The following TACR3 variants were observed in gnomAD, a reference collection of about 807,000 sequenced individuals.
TACR3 encodes the protein neuromedin-K receptor.
In TACR3, 34 loss-of-function variants were observed where a neutral mutation model predicts 35.0. That is an observed-to-expected ratio of 0.97 (90% CI 0.74 to 1.30). The LOEUF is 1.30. Ranked by LOEUF, TACR3 falls within the 50% of genes most tolerant of loss-of-function variation. The probability of loss-of-function intolerance (pLI) is 0.00; values close to 1 mark genes in which losing one functional copy is unlikely to be tolerated. For missense variants in TACR3, 558 were observed against 591.7 expected (o/e 0.94, Z 0.59); for synonymous variants, 233 against 221.1 (o/e 1.05, Z -0.48).
At chr4:103,708,221 C>A (rs1722843599) in intron 1 of TACR3, among the ~76,000 whole-genome samples, 1 of 152,156 alleles carries the variant, frequency 6.6e-6, no homozygotes, top group Non-Finnish European at 1.5e-5. Context: ...GGTCCTTGAC[C>A]CCTGAGTAGC....
At chr4:103,611,590 A>G (rs917105087) in intron 3 of TACR3, among the ~76,000 whole-genome samples, 1 of 152,156 alleles carries the variant, frequency 6.6e-6, no homozygotes, top group Non-Finnish European at 1.5e-5. Flanking sequence ...CAATCTGTAC[A>G]TATTGGAGGT....
Position 103,719,364 on chromosome 4 carries a change from G to A in TACR3, c.312C>T (p.Leu104=), listed in dbSNP as rs1723158371. The A allele has an allele frequency of 6.2e-7, 1 of 1,614,254 alleles. No individual in the cohort carries two copies. The change falls in exon 1 of 5, where the codon CTC becomes CTT. Residue 104 remains leucine (L), a synonymous_variant. Coordinates refer to ENST00000304883, the MANE Select transcript of TACR3 (RefSeq NM_001059.3). The part of the protein sequence containing the change: ...VVVAVAVLGN[L]IVIWIILAHK... Reference sequence around the variant, plus strand: ...GGGCCAGGATGATCCAGATGACGATGAGATTTCCCAAAACTGCCACTGCCA... The same window carrying A: ...GGGCCAGGATGATCCAGATGACGATAAGATTTCCCAAAACTGCCACTGCCA...
intron 1 of TACR3, among the ~76,000 whole-genome samples, chr4:103,706,928 A>G (rs1363243300): frequency 6.6e-6 from 1 of 152,214 alleles, no homozygotes; most frequent in Non-Finnish European, 1.5e-5. Context: ...TGAGACAAAA[A>G]GATACTTCAG....
intron 1 of TACR3, among the ~76,000 whole-genome samples, chr4:103,707,297 C>G (rs551021695): frequency 6.6e-6 from 1 of 152,060 alleles, no homozygotes; most frequent in Non-Finnish European, 1.5e-5. Context: ...TCAAGAGACT[C>G]AGAGACATAT....
At chr4:103,615,458 C>T (rs1382845080) in intron 3 of TACR3, among the ~76,000 whole-genome samples, 1 of 149,444 alleles carries the variant, frequency 6.7e-6, no homozygotes, top group South Asian at 2.1e-4. Context: ...TGGGAAGTGG[C>T]ATCAGATTCA....
At chr4:103,644,725 T>A (rs1224770116) in intron 3 of TACR3, among the ~76,000 whole-genome samples, 1 of 151,666 alleles carries the variant, frequency 6.6e-6, no homozygotes, top group Non-Finnish European at 1.5e-5. Context: ...ACCAAGATGA[T>A]AACATGCCTT....
intron 3 of TACR3, among the ~76,000 whole-genome samples, chr4:103,612,227 T>A (rs1036831776): frequency 3.3e-5 from 5 of 152,292 alleles, no homozygotes; most frequent in Admixed American, 2.6e-4. Flanking sequence ...CTTAAAAACA[T>A]CAATAATTTT....
At chr4:103,682,571 A>G (rs1163190103) in intron 1 of TACR3, among the ~76,000 whole-genome samples, 1 of 152,112 alleles carries the variant, frequency 6.6e-6, no homozygotes, top group East Asian at 1.9e-4. Context: ...CTCCCTCGAC[A>G]CATAGGGATT....
intron 1 of TACR3, among the ~76,000 whole-genome samples, chr4:103,678,594 T>C (rs532033387): frequency 1.3e-5 from 2 of 152,242 alleles, no homozygotes; most frequent in South Asian, 4.1e-4. Context: ...CATTTATCCA[T>C]ACAACAAATA....
At chr4:103,598,967 G>T (rs1406524273) in intron 3 of TACR3, among the ~76,000 whole-genome samples, 1 of 152,162 alleles carries the variant, frequency 6.6e-6, no homozygotes, top group Admixed American at 6.5e-5. Flanking sequence ...GAACTTTAAA[G>T]TAGTTTTTCC....
At chr4:103,649,450 G>C (rs1438236955) in intron 3 of TACR3, among the ~76,000 whole-genome samples, 1 of 151,972 alleles carries the variant, frequency 6.6e-6, no homozygotes. Flanking sequence ...AATCCATTTA[G>C]ATTTGATTTT....
chr4:103,687,411 AG>A (rs1722275387), intron 1 of TACR3, among the ~76,000 whole-genome samples: 1 of 152,144 alleles, frequency 6.6e-6, no homozygotes, highest in Admixed American at 6.5e-5. Context: ...ATTAGGCAGG[AG>A]AAGGAAATAA....
intron 1 of TACR3, among the ~76,000 whole-genome samples, chr4:103,676,066 A>G (rs573866952): frequency 6.6e-6 from 1 of 152,276 alleles, no homozygotes; most frequent in African/African-American, 2.4e-5. Context: ...CTTCAAAGAT[A>G]TTGTGCTTAG....
intron 3 of TACR3, among the ~76,000 whole-genome samples, chr4:103,648,433 CT>C (rs77745851): frequency 0.15 from 23,009 of 151,950 alleles, 1,811 homozygotes; most frequent in South Asian, 0.21. Context: ...TTCACCCCTA[CT>C]TTCCCACTAC....
intron 3 of TACR3, among the ~76,000 whole-genome samples, chr4:103,652,617 G>A (rs1221867539): frequency 1.3e-5 from 2 of 151,782 alleles, no homozygotes; most frequent in Non-Finnish European, 2.9e-5. Flanking sequence ...TGTCCTTCTG[G>A]GGTGATGATC....
intron 3 of TACR3, among the ~76,000 whole-genome samples, chr4:103,620,484 CAT>C (rs767431826): frequency 1.2e-4 from 19 of 152,180 alleles, no homozygotes; most frequent in Non-Finnish European, 2.6e-4. Context: ...ATAGCAAAGA[CAT>C]GTGATCAACC....
intron 3 of TACR3, among the ~76,000 whole-genome samples, chr4:103,601,237 T>C (rs1724193492): frequency 6.6e-6 from 1 of 152,122 alleles, no homozygotes; most frequent in African/African-American, 2.4e-5. Flanking sequence ...TTCCATTTGC[T>C]TGGTAGATTT....
At chr4:103,681,448 G>A (rs764597409) in intron 1 of TACR3, among the ~76,000 whole-genome samples, 9 of 151,856 alleles carry the variant, frequency 5.9e-5, no homozygotes, top group South Asian at 4.2e-4. Flanking sequence ...CTTATATAAC[G>A]GCATAGGTAT....
chr4:103,600,151 C>T (rs1724159782), intron 3 of TACR3, among the ~76,000 whole-genome samples: 1 of 152,070 alleles, frequency 6.6e-6, no homozygotes, highest in South Asian at 2.1e-4. Context: ...TTGGTCTATT[C>T]AGAGATTCAA....
Sources: gnomAD v4.1 joint callset for allele counts (sites outside exome capture counted in the v4.1 genomes callset) on GRCh38, gnomAD v4.1.1 for gene constraint, MANE v1.5 for transcripts, NCBI Gene and HGNC (gene_info 2026-07-23, HGNC 2026-07-21) for gene names.